The following TENT5D variants were observed in gnomAD, a reference collection of about 807,000 sequenced individuals.
TENT5D encodes terminal nucleotidyltransferase 5D, also known as cancer/testis antigen 112.
For synonymous variants in TENT5D, 103 were observed against 100.6 expected (o/e 1.02, Z -0.15); for missense variants, 191 against 287.0 (o/e 0.67, Z 2.42).
At chrX:80,411,298 T>A (rs967304416) in intron 3 of TENT5D, among the ~76,000 whole-genome samples, 4 of 112,042 alleles carry the variant, frequency 3.6e-5, no homozygotes, top group Non-Finnish European at 7.5e-5. Flanking sequence ...AGTGTATAAG[T>A]GGTTTTCTTA....
chrX:80,403,592 T>C (rs1931429262), intron 3 of TENT5D, among the ~76,000 whole-genome samples: 1 of 112,408 alleles, frequency 8.9e-6, no homozygotes, highest in Non-Finnish European at 1.9e-5. Context: ...GTTTAGAGTA[T>C]CCCTAGCTGG....
chrX:80,436,555 G>A (rs779094063), intron 1 of TENT5D, among the ~76,000 whole-genome samples: 31 of 109,823 alleles, frequency 2.8e-4, no homozygotes, highest in Admixed American at 2.4e-3. Context: ...CCCCAACCCC[G>A]ATAGGTCCCG....
chrX:80,387,008 G>A (rs1024766557), intron 3 of TENT5D, among the ~76,000 whole-genome samples: 9 of 112,349 alleles, frequency 8.0e-5, no homozygotes, highest in African/African-American at 2.9e-4. Context: ...AAGAAAAAAG[G>A]TAAACAACTC....
chrX:80,356,796 A>G (rs1930293895), intron 3 of TENT5D, among the ~76,000 whole-genome samples: 1 of 111,371 alleles, frequency 9.0e-6, no homozygotes, highest in South Asian at 3.7e-4. Flanking sequence ...GTTTTAGGGT[A>G]CATGTGCACA....
At chrX:80,345,178 A>T (rs1225959080) in intron 3 of TENT5D, among the ~76,000 whole-genome samples, 1 of 111,454 alleles carries the variant, frequency 9.0e-6, no homozygotes, top group Non-Finnish European at 1.9e-5. Context: ...TTACACCTTT[A>T]TATAGTTCTT....
chrX:80,373,974 G>C (rs1403633218), intron 3 of TENT5D, among the ~76,000 whole-genome samples: 2 of 110,747 alleles, frequency 1.8e-5, no homozygotes, highest in Non-Finnish European at 3.8e-5. Flanking sequence ...TTTTCCTGTA[G>C]CTCTCCCTCC....
intron 2 of TENT5D, among the ~76,000 whole-genome samples, chrX:80,441,980 ATATTCTTTTAAGTAAGAGCAGT>A (rs899999155): frequency 9.0e-6 from 1 of 111,176 alleles, no homozygotes; most frequent in Non-Finnish European, 1.9e-5. Flanking sequence ...GACTTCAGTA[ATATTCTTTTAAGTAAGAGCAGT>A]TATATATGAG....
chrX:80,346,407 C>T (rs1930061931), intron 3 of TENT5D, among the ~76,000 whole-genome samples: 1 of 112,099 alleles, frequency 8.9e-6, no homozygotes, highest in African/African-American at 3.2e-5. Context: ...TTATAAGAAA[C>T]TTCAAAACTG....
intron 3 of TENT5D, among the ~76,000 whole-genome samples, chrX:80,410,163 C>A (rs1931616258): frequency 9.1e-6 from 1 of 109,322 alleles, no homozygotes; most frequent in African/African-American, 3.3e-5. Context: ...TAGGCATCAC[C>A]ATTCAGGACA....
chrX:80,365,858 TAAAAG>T (rs997099496), intron 3 of TENT5D, among the ~76,000 whole-genome samples: 29 of 109,392 alleles, frequency 2.7e-4, no homozygotes, highest in Non-Finnish European at 4.9e-4. Flanking sequence ...AAAAATGACT[TAAAAG>T]AGATTAAATG....
At chrX:80,434,144 AC>A (rs1932137608) in intron 1 of TENT5D, among the ~76,000 whole-genome samples, 2 of 58,347 alleles carry the variant, frequency 3.4e-5, no homozygotes, top group Non-Finnish European at 7.4e-5. Flanking sequence ...CTCAAAAAAA[AC>A]AAAACAAAAA....
upstream of TENT5D, among the ~76,000 whole-genome samples, chrX:80,419,120 A>T (rs1931833554): frequency 8.9e-6 from 1 of 112,035 alleles, no homozygotes; most frequent in African/African-American, 3.2e-5. Context: ...CTGACACATT[A>T]TAAGCATCAT....
At chrX:80,361,295 A>G (rs998804795) in intron 3 of TENT5D, among the ~76,000 whole-genome samples, 1 of 112,054 alleles carries the variant, frequency 8.9e-6, no homozygotes, top group Non-Finnish European at 1.9e-5. Context: ...TTTGATACAG[A>G]AATGGAAAAG....
intron 3 of TENT5D, among the ~76,000 whole-genome samples, chrX:80,354,156 CT>C (rs1930238908): frequency 9.0e-6 from 1 of 111,377 alleles, no homozygotes; most frequent in South Asian, 3.8e-4. Flanking sequence ...TTTGTATTGA[CT>C]TTGGAGAATC....
At chrX:80,402,274 T>C (rs764052622) in intron 3 of TENT5D, among the ~76,000 whole-genome samples, 1 of 111,952 alleles carries the variant, frequency 8.9e-6, no homozygotes, top group African/African-American at 3.2e-5. Flanking sequence ...ATTTTATTTA[T>C]TTGAGTTCCT....
At chrX:80,360,791 A>C (rs1190411398) in intron 3 of TENT5D, among the ~76,000 whole-genome samples, 2 of 112,107 alleles carry the variant, frequency 1.8e-5, no homozygotes, top group African/African-American at 3.2e-5. Flanking sequence ...TCCATATTGA[A>C]GTAAAATTGA....
chrX:80,356,861 T>C (rs1442547976), intron 3 of TENT5D, among the ~76,000 whole-genome samples: 6 of 111,224 alleles, frequency 5.4e-5, no homozygotes, highest in Non-Finnish European at 1.1e-4. Context: ...GCTGCACCCA[T>C]TAACTCTTCA....
intron 3 of TENT5D, among the ~76,000 whole-genome samples, chrX:80,372,049 A>G (rs1177866651): frequency 2.7e-5 from 3 of 111,605 alleles, no homozygotes; most frequent in Non-Finnish European, 3.8e-5. Flanking sequence ...CTGAAAGAGC[A>G]AATTCCCTGA....
At chrX:80,434,361 G>T (rs1366312658) in intron 1 of TENT5D, among the ~76,000 whole-genome samples, 1 of 111,079 alleles carries the variant, frequency 9.0e-6, no homozygotes, top group Non-Finnish European at 1.9e-5. Context: ...CCCAGCATGG[G>T]TCAACCCTGA....
Sources: gnomAD v4.1 joint callset for allele counts (sites outside exome capture counted in the v4.1 genomes callset) on GRCh38, gnomAD v4.1.1 for gene constraint, MANE v1.5 for transcripts, NCBI Gene and HGNC (gene_info 2026-07-23, HGNC 2026-07-21) for gene names.